The following CDC27 variants were observed in gnomAD, a reference collection of about 807,000 sequenced individuals.
CDC27 encodes the protein cell division cycle 27.
Under a neutral mutation model 109.7 loss-of-function variants are expected in CDC27, and 27 were observed. That is an observed-to-expected ratio of 0.25 (90% CI 0.18 to 0.34). CDC27 has a LOEUF of 0.34. Ranked by LOEUF, CDC27 falls within the 10% of genes least tolerant of loss-of-function variation. The pLI is 1.00. For missense variants in CDC27, 579 were observed against 960.2 expected, an observed-to-expected ratio of 0.60 and a Z score of 5.25; for synonymous variants, 266 against 333.9, an observed-to-expected ratio of 0.80 and a Z score of 2.22.
intron 1 of CDC27, among the ~76,000 whole-genome samples, chr17:47,184,781 A>G (rs2064368817): frequency 6.6e-6 from 1 of 152,210 alleles, no homozygotes; most frequent in Non-Finnish European, 1.5e-5. Flanking sequence ...GGAAGAACAG[A>G]TTATTCTCTA....
intron 2 of CDC27, among the ~76,000 whole-genome samples, chr17:47,177,877 CACAT>C (rs900022231): frequency 3.9e-4 from 60 of 152,248 alleles, no homozygotes; most frequent in African/African-American, 1.3e-3. Context: ...CACACACACA[CACAT>C]ATCTCCAAAG....
intron 2 of CDC27, among the ~76,000 whole-genome samples, chr17:47,174,707 G>A (rs1386278184): frequency 6.6e-6 from 1 of 152,182 alleles, no homozygotes; most frequent in African/African-American, 2.4e-5. Flanking sequence ...TGTAATCCCA[G>A]CACTTTGGGA....
rs1181499921 is a variant in CDC27, at chr17:47,181,651, A to G, written c.28-14T>C. 1 of 1,536,138 alleles carries G rather than the reference A, an allele frequency of 6.5e-7. No individual in the cohort carries two copies. The highest frequency in any genetic ancestry group is 9.0e-7 in the Non-Finnish European group (1 of 1,113,370). On this transcript the variant is annotated splice_polypyrimidine_tract_variant and intron_variant, in intron 1 of 18. Transcript: ENST00000066544. ...CCATATAGCAGCCTGCAAATGGAGG[A>G]AAAAGAACATAAATATACATACATA... is the stretch of plus-strand genomic sequence containing the variant.
chr17:47,127,077 G>A (rs953512829), intron 16 of CDC27, among the ~76,000 whole-genome samples: 3 of 152,206 alleles, frequency 2.0e-5, no homozygotes, highest in African/African-American at 7.2e-5. Flanking sequence ...TACAAGCATG[G>A]GCCACGGCAC....
intron 12 of CDC27, among the ~76,000 whole-genome samples, chr17:47,141,214 A>G (rs1404880927): frequency 1.3e-5 from 2 of 152,170 alleles, no homozygotes; most frequent in African/African-American, 4.8e-5. Flanking sequence ...TCCATATTAG[A>G]GATATTTTAT....
chr17:47,122,061 A>T (rs763455624), intron 18 of CDC27, among the ~76,000 whole-genome samples: 7 of 152,130 alleles, frequency 4.6e-5, no homozygotes, highest in Non-Finnish European at 8.8e-5. Context: ...TTTTAATTAA[A>T]GCCTTTCACC....
chr17:47,123,652 T>A (rs1433365154), intron 17 of CDC27, among the ~76,000 whole-genome samples: 1 of 152,018 alleles, frequency 6.6e-6, no homozygotes, highest in East Asian at 1.9e-4. Flanking sequence ...CCTCACGTAA[T>A]CTACCTGCCT....
At chr17:47,138,531 T>C (rs1225147168) in intron 13 of CDC27, among the ~76,000 whole-genome samples, 2 of 152,152 alleles carry the variant, frequency 1.3e-5, no homozygotes, top group Non-Finnish European at 2.9e-5. Flanking sequence ...CTGAATGAAA[T>C]AGCTGCTTTG....
Position 47,119,515 on chromosome 17 carries a change from A to G in CDC27, c.*1420T>C, listed in dbSNP as rs1265883288. On this transcript the variant is annotated 3_prime_UTR_variant, in exon 19 of 19. Transcript: ENST00000066544. Reference sequence around the variant, plus strand: ...GTCCTCCATCAAATAATCCAGAATAATAACTGTAGGCCTGTCATTCATAAG... The same window carrying G: ...GTCCTCCATCAAATAATCCAGAATAGTAACTGTAGGCCTGTCATTCATAAG... 1 of 152,176 alleles carries G rather than the reference A, an allele frequency of 6.6e-6. No individual in the cohort carries two copies. The highest frequency in any genetic ancestry group is 1.9e-4 in the East Asian group (1 of 5,202). 9.4% of individuals were successfully genotyped at this position (152,176 alleles called of 1,614,324 possible). A position where few individuals can be genotyped will look rare whatever the true frequency, so the allele number is the denominator to read the frequency against.
At chr17:47,185,337 C>A (rs2064393449) in intron 1 of CDC27, among the ~76,000 whole-genome samples, 1 of 151,994 alleles carries the variant, frequency 6.6e-6, no homozygotes, top group African/African-American at 2.4e-5. Context: ...TGCCACCATG[C>A]CCGGCTAATT....
chr17:47,182,133 CAG>C (rs1567724558), intron 1 of CDC27, among the ~76,000 whole-genome samples: 1 of 152,158 alleles, frequency 6.6e-6, no homozygotes, highest in Non-Finnish European at 1.5e-5. Flanking sequence ...ATATACATGA[CAG>C]AGATATTAAA....
At chr17:47,174,984 A>G (rs2063940653) in intron 2 of CDC27, among the ~76,000 whole-genome samples, 1 of 124,124 alleles carries the variant, frequency 8.1e-6, no homozygotes, top group African/African-American at 2.9e-5. Flanking sequence ...ACAGGACAGG[A>G]CAGGACAGGA....
chr17:47,120,859 G>T lies in CDC27; in HGVS notation c.*76C>A. ...ATGACACCGCCAGCTCAAGAGTAAA[G>T]ACTCAGTATACAGAGGGACAAGAAA... is the stretch of plus-strand genomic sequence containing the variant. On this transcript the variant is annotated 3_prime_UTR_variant, in exon 19 of 19. Transcript: ENST00000066544. 9.7e-7 allele frequency: 1 copy of T among 1,027,224 alleles called. No individual in the cohort carries two copies. The highest frequency in any genetic ancestry group is 1.3e-5 in the South Asian group (1 of 75,048). The allele number at this position is 1,027,224 out of a possible 1,614,324, so 63.6% of individuals were successfully genotyped here. A position where few individuals can be genotyped will look rare whatever the true frequency, so the allele number is the denominator to read the frequency against.
At chr17:47,177,423 A>G (rs937453892) in intron 2 of CDC27, among the ~76,000 whole-genome samples, 1 of 152,176 alleles carries the variant, frequency 6.6e-6, no homozygotes, top group Non-Finnish European at 1.5e-5. Flanking sequence ...CTAAAAATAC[A>G]AAAATTAGGT....
At chr17:47,124,705 CATCT>C (rs1293595828) in intron 16 of CDC27, among the ~76,000 whole-genome samples, 7 of 152,216 alleles carry the variant, frequency 4.6e-5, no homozygotes, top group Non-Finnish European at 8.8e-5. Context: ...TAGATTCTCA[CATCT>C]ATCTGCTTCT....
chr17:47,122,170 C>T (rs1021357325), intron 18 of CDC27, among the ~76,000 whole-genome samples: 1 of 151,834 alleles, frequency 6.6e-6, no homozygotes, highest in African/African-American at 2.4e-5. Context: ...GCAGATAAAA[C>T]AGTACTGGTT....
intron 11 of CDC27, 44 bp from the exon 12 acceptor site, chr17:47,142,069 A>G (rs2062811736): frequency 1.4e-6 from 2 of 1,403,096 alleles, no homozygotes; most frequent in Admixed American, 2.4e-5. Flanking sequence ...AACGCAATAA[A>G]CTAGTCTGCT....
rs1449172865 is a variant in CDC27 at position 47,172,046 on chromosome 17, A to G, written c.122T>C (p.Leu41Ser). The change falls in exon 3 of 19, where the codon TTG (leucine) becomes TCG (serine). Residue 41 changes from leucine to serine, a missense_variant. Transcript: ENST00000066544. ...LYAEVHSEEA[L>S]FLLATCYYRS... ...GTAATAACAGGTTGCCAGTAAAAAC[A>G]AGGCTTCTTCTGAGTGTACTAAAAA... 1 of 1,584,766 alleles carries G rather than the reference A, an allele frequency of 6.3e-7. No individual in the cohort carries two copies. Among genetic ancestry groups the G allele is most frequent in the African/African-American group, 1.4e-5 (1 of 73,790 alleles).
At chr17:47,168,245 G>A (rs77144621) in intron 4 of CDC27, among the ~76,000 whole-genome samples, 11,675 of 152,124 alleles carry the variant, frequency 0.077, 638 homozygotes, top group South Asian at 0.19. Flanking sequence ...GTTGCGGGGT[G>A]GGGATGAAAA....
Sources: gnomAD v4.1 joint callset for allele counts (sites outside exome capture counted in the v4.1 genomes callset) on GRCh38, gnomAD v4.1.1 for gene constraint, MANE v1.5 for transcripts, NCBI Gene and HGNC (gene_info 2026-07-23, HGNC 2026-07-21) for gene names.